The following DCAF8 variants were observed in gnomAD, a reference collection of about 807,000 sequenced individuals.
DCAF8 encodes DDB1 and CUL4 associated factor 8.
DCAF8 carries 20 observed loss-of-function variants against 68.0 expected under a neutral mutation model. The ratio of observed to expected loss-of-function variants is 0.29; its 90% CI spans 0.21 to 0.43. The LOEUF (loss-of-function observed/expected upper bound fraction) is 0.43. DCAF8 is among the 20% of genes least tolerant of loss of function. The probability of loss-of-function intolerance (pLI) is 1.00; values close to 1 mark genes in which losing one functional copy is unlikely to be tolerated. For synonymous variants in DCAF8, 230 were observed against 276.9 expected (o/e 0.83, Z 1.68); for missense variants, 460 against 771.0 (o/e 0.60, Z 4.78).
chr1:160,255,384 T>A (rs148296226), intron 2 of DCAF8, among the ~76,000 whole-genome samples: 2 of 152,192 alleles, frequency 1.3e-5, no homozygotes, highest in Non-Finnish European at 2.9e-5. Context: ...TCCTCCTACC[T>A]TGGCCTCCCA....
chr1:160,244,022 T>G lies in DCAF8; in HGVS notation c.-14A>C. 5 of 1,614,182 alleles carry G rather than the reference T, an allele frequency of 3.1e-6. No individual in the cohort carries two copies. Among genetic ancestry groups the G allele is most frequent in the Non-Finnish European group, 4.2e-6 (5 of 1,180,010 alleles). On this transcript the variant is annotated 5_prime_UTR_variant, in exon 3 of 14. Transcript: ENST00000368074. ...TTTGCTGGACATCTTGAATGATGTTTGCTGTAGCCAGCCTGGGTTTGGGAG... is the reference window on the plus strand; with the variant it reads ...TTTGCTGGACATCTTGAATGATGTTGGCTGTAGCCAGCCTGGGTTTGGGAG...
At chr1:160,241,543 T>C (rs1353072107) in intron 3 of DCAF8, among the ~76,000 whole-genome samples, 1 of 152,230 alleles carries the variant, frequency 6.6e-6, no homozygotes, top group Non-Finnish European at 1.5e-5. Flanking sequence ...TGCATTCTCT[T>C]AACTCACAAC....
chr1:160,235,665 G>GA (rs1655845982), intron 6 of DCAF8, among the ~76,000 whole-genome samples: 1 of 151,306 alleles, frequency 6.6e-6, no homozygotes, highest in African/African-American at 2.4e-5. Context: ...GGAGAAAGGA[G>GA]AAAGTGTATA....
At chr1:160,239,279 T>C (rs1047043543) in intron 4 of DCAF8, 55 of 1,092,654 alleles carry the variant, frequency 5.0e-5, no homozygotes, top group Non-Finnish European at 6.3e-5. Flanking sequence ...TTAGCTTCTA[T>C]TGTTACTTAA....
intron 4 of DCAF8, chr1:160,239,347 A>G: frequency 1.5e-6 from 2 of 1,293,560 alleles, no homozygotes. Context: ...AGACAAAGGT[A>G]AAATAACTTG....
chr1:160,222,514 A>C, intron 11 of DCAF8, 137 bp downstream of exon 11: 1 of 1,168,764 alleles, frequency 8.6e-7, no homozygotes, highest in Non-Finnish European at 1.2e-6. Context: ...CCTCCAGGCT[A>C]ACTAGTCTTT....
intron 2 of DCAF8, among the ~76,000 whole-genome samples, chr1:160,254,524 TGG>T: frequency 6.6e-6 from 1 of 152,008 alleles, no homozygotes; most frequent in East Asian, 1.9e-4. Flanking sequence ...CCAGGTACCA[TGG>T]CTCACGCCTG....
At chr1:160,222,189 C>G (rs1655324031) in intron 11 of DCAF8, among the ~76,000 whole-genome samples, 1 of 152,020 alleles carries the variant, frequency 6.6e-6, no homozygotes, top group Non-Finnish European at 1.5e-5. Flanking sequence ...ATGTATAAAC[C>G]ATATTCTAAT....
At chr1:160,229,611 A>T (rs1328594520) in intron 7 of DCAF8, among the ~76,000 whole-genome samples, 1 of 152,232 alleles carries the variant, frequency 6.6e-6, no homozygotes, top group Non-Finnish European at 1.5e-5. Flanking sequence ...AGTAATCTGG[A>T]GCTCTAAGTA....
chr1:160,228,075 A>G (rs1655538708), intron 7 of DCAF8, among the ~76,000 whole-genome samples: 2 of 139,052 alleles, frequency 1.4e-5, no homozygotes. Context: ...TAATTAAAAA[A>G]TTAAAATTTT....
chr1:160,239,409 G>A (rs977404732), intron 4 of DCAF8: 5 of 1,417,842 alleles, frequency 3.5e-6, no homozygotes, highest in Admixed American at 5.9e-5. Flanking sequence ...AACTCAGGCA[G>A]TTTGGTTCAA....
intron 13 of DCAF8, 140 bp from the exon 14 acceptor site, chr1:160,217,848 C>T (rs1298637588): frequency 3.1e-6 from 2 of 641,118 alleles, no homozygotes; most frequent in African/African-American, 1.8e-5. Flanking sequence ...ATACTTTAGA[C>T]TTGTGGTCTA....
At chr1:160,254,263 A>C (rs570359442) in intron 2 of DCAF8, among the ~76,000 whole-genome samples, 13 of 152,164 alleles carry the variant, frequency 8.5e-5, no homozygotes, top group Admixed American at 8.5e-4. Flanking sequence ...CAGAGGTTGC[A>C]ATGAGCCAAG....
chr1:160,242,805 T>C (rs1036313698), intron 3 of DCAF8, among the ~76,000 whole-genome samples: 2 of 152,198 alleles, frequency 1.3e-5, no homozygotes, highest in Admixed American at 6.5e-5. Context: ...CAAAAACAAG[T>C]GGCAGGCTGG....
chr1:160,218,358 A>G lies in DCAF8; in HGVS notation c.1643T>C (p.Leu548Pro). The change falls in exon 13 of 14, where the codon CTT becomes CCT. Residue 548 changes from leucine (L) to proline (P), a missense_variant. Leu to Pro is a moderately conservative substitution (Grantham distance 98, BLOSUM62 -3). Transcript: ENST00000368074. Reference protein sequence around the residue: ...DLFDSHMLWFLMHHLRQRRHH... With the variant: ...DLFDSHMLWFPMHHLRQRRHH... ...GCGTCTCTGTCTCAGGTGATGCATAAGGAACCACAGCATGTGACTATCAAA... is the reference window on the plus strand; with the variant it reads ...GCGTCTCTGTCTCAGGTGATGCATAGGGAACCACAGCATGTGACTATCAAA... 1 of 1,614,150 alleles carries G rather than the reference A, an allele frequency of 6.2e-7. No homozygotes were observed. The highest frequency in any genetic ancestry group is 1.1e-5 in the South Asian group (1 of 91,082).
intron 12 of DCAF8, 55 bp from the exon 13 acceptor site, chr1:160,218,495 C>T: frequency 2.3e-6 from 3 of 1,331,810 alleles, no homozygotes; most frequent in Non-Finnish European, 3.2e-6. Context: ...AACCCGGGAC[C>T]TGATCAAGAA....
intron 5 of DCAF8, among the ~76,000 whole-genome samples, chr1:160,237,847 A>G (rs577072189): frequency 1.2e-4 from 19 of 152,300 alleles, no homozygotes; most frequent in Admixed American, 1.2e-3. Flanking sequence ...GCAACAGTTC[A>G]TTCTCGAATA....
At chr1:160,232,967 A>G (rs761249246) in intron 6 of DCAF8, among the ~76,000 whole-genome samples, 15 of 152,250 alleles carry the variant, frequency 9.9e-5, no homozygotes, top group Non-Finnish European at 7.3e-5. Context: ...CTCAGATCTA[A>G]GCATTCAATT....
chr1:160,239,565 G>T, intron 4 of DCAF8, 132 bp downstream of exon 4: 2 of 1,587,778 alleles, frequency 1.3e-6, no homozygotes, highest in Admixed American at 1.7e-5. Context: ...CATTAGGGGA[G>T]CCAAAGTAGG....
Sources: gnomAD v4.1 joint callset for allele counts (sites outside exome capture counted in the v4.1 genomes callset) on GRCh38, gnomAD v4.1.1 for gene constraint, MANE v1.5 for transcripts, NCBI Gene and HGNC (gene_info 2026-07-23, HGNC 2026-07-21) for gene names.